Variants in ITPR2 observed in about 807,000 individuals in gnomAD.
The protein encoded by ITPR2 is inositol 1,4,5-trisphosphate receptor type 2.
Under a neutral mutation model 317.1 loss-of-function variants are expected in ITPR2, and 207 were observed. That is an observed-to-expected ratio of 0.65 (90% CI 0.58 to 0.73). The LOEUF (loss-of-function observed/expected upper bound fraction) is 0.73, where lower values mean the gene tolerates loss of function less well. ITPR2 is among the 30% of genes least tolerant of loss of function. The pLI is 0.00. For synonymous variants in ITPR2, 1,156 were observed against 1,149.1 expected (o/e 1.01, Z -0.12); for missense variants, 2,613 against 3,284.0 (o/e 0.80, Z 4.99).
chr12:26,615,933 C>T (rs1353638712), intron 26 of ITPR2, among the ~76,000 whole-genome samples: 1 of 152,032 alleles, frequency 6.6e-6, no homozygotes, highest in Non-Finnish European at 1.5e-5. Flanking sequence ...AAGAATCCTA[C>T]ACCCATTCAC....
chr12:26,681,937 T>C lies in ITPR2; in HGVS notation c.1346A>G (p.Asn449Ser), dbSNP rs1948041617. 5 of 1,613,558 alleles carry C rather than the reference T, an allele frequency of 3.1e-6. No homozygotes were observed. The African/African-American group carries it at 4.0e-5, about 13-fold the overall frequency. Residue 449 changes from asparagine to serine, a missense_variant, in exon 13 of 57, where the codon AAT becomes AGT. Coordinates refer to ENST00000381340, the MANE Select transcript of ITPR2 (RefSeq NM_002223.4). Reference sequence around the variant, plus strand: ...TTTAACTGTGGTCGCTAGTACTTTATTGGCATCATTGGCAAAGTCTAAGTC... The same window carrying C: ...TTTAACTGTGGTCGCTAGTACTTTACTGGCATCATTGGCAAAGTCTAAGTC... ...VRDLDFANDA[N>S]KVLATTVKKL...
chr12:26,622,155 C>T (rs891236173), intron 25 of ITPR2, 85 bp downstream of exon 25: 1 of 1,255,200 alleles, frequency 8.0e-7, no homozygotes, highest in African/African-American at 1.5e-5. Flanking sequence ...AGTGTCATTA[C>T]CTCTGCAGCC....
At chr12:26,569,055 T>A (rs949682320) in intron 34 of ITPR2, among the ~76,000 whole-genome samples, 6 of 152,032 alleles carry the variant, frequency 3.9e-5, no homozygotes, top group Non-Finnish European at 8.8e-5. Flanking sequence ...ACTAAATGTA[T>A]CCCAGATAGC....
intron 26 of ITPR2, among the ~76,000 whole-genome samples, chr12:26,611,802 A>T (rs1216975280): frequency 1.3e-5 from 2 of 152,226 alleles, no homozygotes; most frequent in Admixed American, 6.5e-5. Flanking sequence ...ACCTACTCGG[A>T]TACGGTTTCC....
chr12:26,680,169 T>C (rs957756127), intron 13 of ITPR2, among the ~76,000 whole-genome samples: 1 of 152,012 alleles, frequency 6.6e-6, no homozygotes, highest in African/African-American at 2.4e-5. Flanking sequence ...CCTCAAGAGA[T>C]TGTTAAATCA....
At chr12:26,749,430 T>A (rs1949379955) in intron 2 of ITPR2, among the ~76,000 whole-genome samples, 1 of 152,056 alleles carries the variant, frequency 6.6e-6, no homozygotes, top group Non-Finnish European at 1.5e-5. Context: ...TCAATCACTA[T>A]TTTTTTTCTC....
At chr12:26,402,948 C>G (rs572273332) in intron 52 of ITPR2, among the ~76,000 whole-genome samples, 2 of 152,250 alleles carry the variant, frequency 1.3e-5, no homozygotes, top group Admixed American at 1.3e-4. Flanking sequence ...TGGAAGTGTC[C>G]CATCTGTAGA....
intron 29 of ITPR2, among the ~76,000 whole-genome samples, 160 bp downstream of exon 29, chr12:26,599,827 C>T (rs1205918331): frequency 6.7e-6 from 1 of 148,252 alleles, no homozygotes; most frequent in Non-Finnish European, 1.5e-5. Context: ...TTAAAAGTTT[C>T]CTTAATGAAA....
At chr12:26,349,393 G>A (rs1174114606) in intron 55 of ITPR2, among the ~76,000 whole-genome samples, 2 of 152,166 alleles carry the variant, frequency 1.3e-5, no homozygotes, top group Non-Finnish European at 2.9e-5. Context: ...TTAGATTCCT[G>A]TAAATGTGGT....
intron 9 of ITPR2, among the ~76,000 whole-genome samples, chr12:26,702,372 A>T (rs1948458861): frequency 1.1e-5 from 1 of 93,498 alleles, no homozygotes; most frequent in South Asian, 3.8e-4. Flanking sequence ...TCTAGCATTG[A>T]GGTTTTTGGT....
chr12:26,718,110 C>T (rs1948772432), intron 5 of ITPR2, among the ~76,000 whole-genome samples: 1 of 152,158 alleles, frequency 6.6e-6, no homozygotes, highest in Admixed American at 6.5e-5. Context: ...AAACAGAATA[C>T]ATGTGCAGAA....
intron 9 of ITPR2, among the ~76,000 whole-genome samples, chr12:26,702,218 C>T (rs948665447): frequency 6.6e-6 from 1 of 152,010 alleles, no homozygotes; most frequent in Non-Finnish European, 1.5e-5. Context: ...TTACCTTCCC[C>T]TCATGCCACC....
intron 26 of ITPR2, among the ~76,000 whole-genome samples, chr12:26,608,988 A>T (rs996731946): frequency 2.0e-5 from 3 of 152,196 alleles, no homozygotes; most frequent in Non-Finnish European, 4.4e-5. Flanking sequence ...GCAACATAAT[A>T]GAACCCTTAG....
At position 26,757,219 on chromosome 12, in the gene ITPR2, C is replaced by CTT. The variant is rs534956309; in HGVS notation, c.164-31456_164-31455dup. ...AGCCATTCTTCTATTCCTTTACTTTCTTTTTTTTTTTTTTGAGATGGAGTC... is the reference window on the plus strand; with the variant it reads ...AGCCATTCTTCTATTCCTTTACTTTCTTTTTTTTTTTTTTTTGAGATGGAGTC... On this transcript the variant is annotated intron_variant, in intron 2 of 56. Transcript: ENST00000381340. 3.4e-4 allele frequency among the ~76,000 whole-genome samples: 49 copies of CTT among 143,792 alleles called. 1 individual carries two copies. The highest frequency in any genetic ancestry group is 3.1e-4 in the Non-Finnish European group (20 of 65,518). The allele number at this position is 143,792 out of a possible 152,430, so 94.3% of individuals were successfully genotyped here. A position where few individuals can be genotyped will look rare whatever the true frequency, so the allele number is the denominator to read the frequency against.
At chr12:26,467,993 A>G (rs1413260738) in intron 45 of ITPR2, among the ~76,000 whole-genome samples, 2 of 152,194 alleles carry the variant, frequency 1.3e-5, no homozygotes, top group Non-Finnish European at 2.9e-5. Flanking sequence ...TTGTAGATCC[A>G]CTACTAATTT....
intron 8 of ITPR2, among the ~76,000 whole-genome samples, chr12:26,711,942 C>T (rs1948649852): frequency 6.6e-6 from 1 of 152,150 alleles, no homozygotes; most frequent in South Asian, 2.1e-4. Context: ...TTTTTATTGA[C>T]AGCATGTCTT....
At chr12:26,717,837 A>G (rs1020666882) in intron 5 of ITPR2, among the ~76,000 whole-genome samples, 1 of 152,220 alleles carries the variant, frequency 6.6e-6, no homozygotes, top group Non-Finnish European at 1.5e-5. Flanking sequence ...TCCCTTTTAA[A>G]AATTAAATTA....
chr12:26,362,298 G>A (rs1938857929), intron 55 of ITPR2, among the ~76,000 whole-genome samples: 1 of 152,164 alleles, frequency 6.6e-6, no homozygotes, highest in African/African-American at 2.4e-5. Flanking sequence ...GTCAAACCCA[G>A]AACTAGCAAG....
chr12:26,750,402 G>A (rs1163102749), intron 2 of ITPR2, among the ~76,000 whole-genome samples: 2 of 152,128 alleles, frequency 1.3e-5, no homozygotes, highest in Non-Finnish European at 2.9e-5. Context: ...CTCCTCTTCT[G>A]GTTAACACAT....
Sources: gnomAD v4.1 joint callset for allele counts (sites outside exome capture counted in the v4.1 genomes callset) on GRCh38, gnomAD v4.1.1 for gene constraint, MANE v1.5 for transcripts, NCBI Gene and HGNC (gene_info 2026-07-23, HGNC 2026-07-21) for gene names.